The following SNX14 variants were observed in gnomAD, a reference collection of about 807,000 sequenced individuals.
SNX14 encodes the protein sorting nexin-14.
A neutral mutation model predicts 133.8 loss-of-function variants in SNX14; 93 were observed. The observed-to-expected ratio is 0.70, with a 90% CI of 0.59 to 0.83. SNX14 has a LOEUF of 0.83. Ranked by LOEUF, SNX14 falls within the 40% of genes least tolerant of loss-of-function variation. SNX14 has a pLI of 0.00. For missense variants in SNX14, 945 were observed against 1,094.9 expected (o/e 0.86, Z 1.93); for synonymous variants, 368 against 365.6 (o/e 1.01, Z -0.07).
intron 6 of SNX14, among the ~76,000 whole-genome samples, chr6:85,558,325 G>A (rs186104750): frequency 1.3e-5 from 2 of 151,844 alleles, no homozygotes; most frequent in Non-Finnish European, 2.9e-5. Flanking sequence ...GCTTCTTTAC[G>A]TGTTCTTTGT....
intron 4 of SNX14, among the ~76,000 whole-genome samples, chr6:85,571,669 A>C (rs1795655455): frequency 1.3e-5 from 2 of 152,214 alleles, no homozygotes; most frequent in Non-Finnish European, 2.9e-5. Flanking sequence ...GATACACATG[A>C]AATCTGACTA....
chr6:85,572,157 C>A lies in SNX14; in HGVS notation c.397G>T (p.Val133Phe). ...PWLDLKISSK[V>F]DASLSEVLEL... Reference sequence around the variant, plus strand: ...GTTACCTCTGAGAGAGATGCATCAACCTTGGAAGAAATTTTCAGGTCTAGC... The same window carrying A: ...GTTACCTCTGAGAGAGATGCATCAAACTTGGAAGAAATTTTCAGGTCTAGC... Residue 133 changes from valine to phenylalanine, a missense_variant, in exon 4 of 29, where the codon GTT becomes TTT. Coordinates refer to ENST00000314673, the MANE Select transcript of SNX14 (RefSeq NM_153816.6). 1 of 1,613,546 alleles carries A rather than the reference C, an allele frequency of 6.2e-7. No individual in the cohort carries two copies. Among genetic ancestry groups the A allele is most frequent in the Non-Finnish European group, 8.5e-7 (1 of 1,179,856 alleles).
chr6:85,556,525 C>CA, intron 7 of SNX14, among the ~76,000 whole-genome samples: 1 of 144,468 alleles, frequency 6.9e-6, no homozygotes, highest in East Asian at 2.0e-4. Context: ...GGCTGGAGTG[C>CA]AGTGGCATGA....
At chr6:85,533,494 G>T in intron 18 of SNX14, 105 bp downstream of exon 18, 1 of 1,019,506 alleles carries the variant, frequency 9.8e-7, no homozygotes, top group Non-Finnish European at 1.4e-6. Context: ...TTTTGGATAT[G>T]CAGCCATATT....
At chr6:85,522,963 TAA>T (rs948144607) in intron 21 of SNX14, among the ~76,000 whole-genome samples, 1 of 152,186 alleles carries the variant, frequency 6.6e-6, no homozygotes, top group Non-Finnish European at 1.5e-5. Flanking sequence ...GATACCTTCC[TAA>T]GAAAGGCTTC....
At chr6:85,541,417 C>G (rs1285692716) in intron 15 of SNX14, among the ~76,000 whole-genome samples, 1 of 152,094 alleles carries the variant, frequency 6.6e-6, no homozygotes, top group Non-Finnish European at 1.5e-5. Context: ...GAGAGCAAAT[C>G]TATAAATCTA....
intron 6 of SNX14, among the ~76,000 whole-genome samples, chr6:85,564,610 G>A (rs1793095536): frequency 1.3e-5 from 2 of 152,118 alleles, no homozygotes; most frequent in Non-Finnish European, 2.9e-5. Context: ...AAGCAAAACT[G>A]ATCGATGGAT....
chr6:85,593,698 C>T lies in SNX14; in HGVS notation c.21G>A (p.Thr7=), dbSNP rs778640270. Reference sequence around the variant, plus strand: ...GCCGCTGCTTCAGCTTCTGCCCCATCGTCCGCACCCAGGGCACCATCTCCG... The same window carrying T: ...GCCGCTGCTTCAGCTTCTGCCCCATTGTCCGCACCCAGGGCACCATCTCCG... MVPWVR[T]MGQKLKQRLR... Residue 7 remains threonine (T), a synonymous_variant, in exon 1 of 29, where the codon ACG becomes ACA. Transcript: ENST00000314673. The T allele has an allele frequency of 2.5e-5, 41 of 1,613,560 alleles. No individual in the cohort carries two copies. In the South Asian group the frequency reaches 4.2e-4, roughly 16 times the overall value.
rs530518464 is a variant in SNX14, at chr6:85,516,699, G to A, written c.2268+1057C>T. 1.0e-4 allele frequency among the ~76,000 whole-genome samples: 15 copies of A among 145,426 alleles called. No homozygotes were observed. The East Asian group carries it at 1.6e-3, about 16-fold the overall frequency. Reference sequence around the variant, plus strand: ...GTCCCCCAGGCTGAAGTGCAGTGGCGCGATCTCAGCTCACTGCAACCTCCA... The same window carrying A: ...GTCCCCCAGGCTGAAGTGCAGTGGCACGATCTCAGCTCACTGCAACCTCCA... On this transcript the variant is annotated intron_variant, in intron 23 of 28. Coordinates refer to ENST00000314673, the MANE Select transcript of SNX14 (RefSeq NM_153816.6).
Position 85,565,361 on chromosome 6 carries a change from C to A in SNX14, c.520G>T (p.Ala174Ser), listed in dbSNP as rs775544282. The A allele has an allele frequency of 1.2e-6, 2 of 1,600,224 alleles. No individual in the cohort carries two copies. Among genetic ancestry groups the A allele is most frequent in the Non-Finnish European group, 1.7e-6 (2 of 1,173,014 alleles). The change falls in exon 6 of 29, where the codon GCA becomes TCA. Residue 174 changes from alanine to serine, a missense_variant. By Grantham distance (99) the Ala-to-Ser change is moderately conservative. Around this residue, in one of 3 missense-constraint regions of SNX14, gnomAD observed 514 missense variants for 538.8 expected, o/e 0.95. Coordinates refer to ENST00000314673, the MANE Select transcript of SNX14 (RefSeq NM_153816.6). ...DELRITLRFF[A>S]SVLIRRIHKV... ...TGAATCCTTCTTATTAAGACAGATG[C>A]AAAAAAACGTAATGTTATTCTCAGT...
chr6:85,558,338 T>G (rs151281278), intron 6 of SNX14, among the ~76,000 whole-genome samples: 2 of 152,208 alleles, frequency 1.3e-5, no homozygotes, highest in Admixed American at 1.3e-4. Flanking sequence ...TTCTTTGTAT[T>G]AAATGCGTTC....
rs529278965 is a variant in SNX14 at position 85,580,344 on chromosome 6, G to C, written c.141-5966C>G. On this transcript the variant is annotated intron_variant, in intron 1 of 28. Coordinates refer to ENST00000314673, the MANE Select transcript of SNX14 (RefSeq NM_153816.6). The stretch of plus-strand genomic sequence containing the variant: ...CTGAATAAAACAGCAGCAGTAACCA[G>C]GTATTCACACAGTAGGTCTTGGGTA... 2.6e-5 allele frequency among the ~76,000 whole-genome samples: 4 copies of C among 152,286 alleles called. 1 individual carries two copies. The highest frequency in any genetic ancestry group is 1.9e-4 in the East Asian group (1 of 5,188).
chr6:85,524,115 G>A (rs1042809758), intron 21 of SNX14, among the ~76,000 whole-genome samples: 2 of 152,050 alleles, frequency 1.3e-5, no homozygotes, highest in Non-Finnish European at 2.9e-5. Flanking sequence ...CCGGGAGGCG[G>A]AGGTTGCAGT....
chr6:85,543,322 T>C lies in SNX14; in HGVS notation c.1265-16A>G, dbSNP rs1784392369. The C allele has an allele frequency of 1.9e-6, 3 of 1,548,934 alleles. No homozygotes were observed. The highest frequency in any genetic ancestry group is 8.7e-7 in the Non-Finnish European group (1 of 1,153,870). ...CCTTCAGCAACTATTAAAAAAATTCTACTGTAGAAATTATTTATAAATAGC... is the reference window on the plus strand; with the variant it reads ...CCTTCAGCAACTATTAAAAAAATTCCACTGTAGAAATTATTTATAAATAGC... On this transcript the variant is annotated splice_polypyrimidine_tract_variant and intron_variant, in intron 13 of 28. Transcript: ENST00000314673.
At chr6:85,548,197 G>A in intron 9 of SNX14, 104 bp downstream of exon 9, 2 of 787,626 alleles carry the variant, frequency 2.5e-6, no homozygotes, top group Non-Finnish European at 4.1e-6. Flanking sequence ...ACAACAATAT[G>A]AATGTTTTCA....
Position 85,576,884 on chromosome 6 carries a change from A to T in SNX14, c.141-2506T>A, listed in dbSNP as rs904085509. Reference sequence around the variant, plus strand: ...AAGAGATTTAAGAAGATTTTAAAAAATTTTCAAGAGTTTTCAGAAGGATAT... The same window carrying T: ...AAGAGATTTAAGAAGATTTTAAAAATTTTTCAAGAGTTTTCAGAAGGATAT... On this transcript the variant is annotated intron_variant, in intron 1 of 28. Coordinates refer to ENST00000314673, the MANE Select transcript of SNX14 (RefSeq NM_153816.6). Among the ~76,000 whole-genome samples the T allele has an allele frequency of 5.9e-5, 9 of 152,198 alleles. No homozygotes were observed. In the South Asian group the frequency reaches 1.0e-3, roughly 17 times the overall value.
chr6:85,576,104 G>A (rs144755855), intron 1 of SNX14, among the ~76,000 whole-genome samples: 18 of 151,916 alleles, frequency 1.2e-4, no homozygotes, highest in Non-Finnish European at 7.4e-5. Flanking sequence ...AAACTCAATC[G>A]TAATTTTCCC....
At chr6:85,545,123 C>G (rs573839924) in intron 12 of SNX14, among the ~76,000 whole-genome samples, 55 of 151,928 alleles carry the variant, frequency 3.6e-4, no homozygotes, top group African/African-American at 1.3e-3. Context: ...TAAATTAGGA[C>G]TATGATAAAT....
In SNX14 at chr6:85,538,863, C is replaced by T; in HGVS notation, c.1450G>A (p.Gly484Ser). ...CGAAAATCATCCAAACTTAGGCTAC[C>T]TCTGCAATAACAGGTATGTGAAATA... ...SPTRNSKLNR[G>S]SLSLDDFRNT... The change falls in exon 16 of 29, where the codon GGT (glycine) becomes AGT (serine). Residue 484 changes from glycine (G) to serine (S), a missense_variant and splice_region_variant. By Grantham distance (56) the Gly-to-Ser change is moderately conservative (BLOSUM62 0). This residue lies in a region of SNX14 where 412 missense variants were observed against 516.6 expected (regional missense o/e 0.80). Transcript: ENST00000314673. The T allele has an allele frequency of 6.3e-7, 1 of 1,596,148 alleles. No homozygotes were observed. The highest frequency in any genetic ancestry group is 8.5e-7 in the Non-Finnish European group (1 of 1,172,764).
Sources: gnomAD v4.1 joint callset for allele counts (sites outside exome capture counted in the v4.1 genomes callset) on GRCh38, gnomAD v4.1.1 for gene constraint, gnomAD v4.1.1 regional missense constraint, MANE v1.5 for transcripts, NCBI Gene and HGNC (gene_info 2026-07-23, HGNC 2026-07-21) for gene names.